Variants in CTNNA2 observed in about 807,000 individuals in gnomAD.
CTNNA2 encodes the protein catenin alpha-2.
In CTNNA2, 42 loss-of-function variants were observed where a neutral mutation model predicts 101.0. That is an observed-to-expected ratio of 0.42 (90% CI 0.32 to 0.54). CTNNA2 has a LOEUF of 0.54. Among genes scored for constraint, CTNNA2 ranks in the 20% least tolerant of loss-of-function variants. The pLI, the probability that CTNNA2 is intolerant of heterozygous loss-of-function variation, is 0.14. For synonymous variants in CTNNA2, 450 were observed against 456.4 expected, an observed-to-expected ratio of 0.99 and a Z score of 0.18; for missense variants, 871 against 1,223.1, an observed-to-expected ratio of 0.71 and a Z score of 4.29.
intron 3 of CTNNA2, among the ~76,000 whole-genome samples, chr2:79,846,930 T>C (rs1241543374): frequency 6.6e-6 from 1 of 152,256 alleles, no homozygotes; most frequent in African/African-American, 2.4e-5. Context: ...TATCTTTTTA[T>C]ATGTACATGT....
intron 2 of CTNNA2, among the ~76,000 whole-genome samples, chr2:79,670,482 A>G (rs1682761386): frequency 6.6e-6 from 1 of 152,194 alleles, no homozygotes; most frequent in African/African-American, 2.4e-5. Context: ...TGGAGTGTGC[A>G]GACCCAGGGC....
intron 18 of CTNNA2, among the ~76,000 whole-genome samples, chr2:80,642,401 T>G (rs1055629092): frequency 6.6e-6 from 1 of 152,200 alleles, no homozygotes; most frequent in Non-Finnish European, 1.5e-5. Flanking sequence ...TCTCATTGTA[T>G]TGTGAGCTCT....
chr2:79,449,572 CA>C, intron 4 of CTNNA2, among the ~76,000 whole-genome samples: 1 of 152,022 alleles, frequency 6.6e-6, no homozygotes, highest in East Asian at 1.9e-4. Flanking sequence ...GAAGTACCAT[CA>C]ATGTTTACTG....
At chr2:80,577,618 C>T (rs774826657) in intron 13 of CTNNA2, among the ~76,000 whole-genome samples, 1 of 148,088 alleles carries the variant, frequency 6.8e-6, no homozygotes, top group Non-Finnish European at 1.5e-5. Context: ...AGTTAGGAAC[C>T]TCCAGAATAA....
At chr2:79,456,280 C>T (rs1670819481) in intron 4 of CTNNA2, among the ~76,000 whole-genome samples, 1 of 151,748 alleles carries the variant, frequency 6.6e-6, no homozygotes, top group Non-Finnish European at 1.5e-5. Context: ...TCATTAAAGA[C>T]TCCTACAATG....
chr2:79,831,988 T>G (rs1678966500), intron 3 of CTNNA2, among the ~76,000 whole-genome samples: 1 of 152,196 alleles, frequency 6.6e-6, no homozygotes, highest in African/African-American at 2.4e-5. Flanking sequence ...GAAACCACAT[T>G]GTAGTTCACT....
intron 10 of CTNNA2, 92 bp from the exon 11 acceptor site, chr2:80,545,815 C>A: frequency 7.7e-7 from 1 of 1,292,828 alleles, no homozygotes; most frequent in Non-Finnish European, 1.1e-6. Flanking sequence ...GTAGAACGTA[C>A]AGGGTGCATG....
intron 7 of CTNNA2, among the ~76,000 whole-genome samples, chr2:80,220,170 A>G (rs1708495437): frequency 6.6e-6 from 1 of 152,196 alleles, no homozygotes; most frequent in Non-Finnish European, 1.5e-5. Flanking sequence ...CACGATTTAA[A>G]TGAATTCCTT....
chr2:80,608,739 A>G (rs979721061), intron 17 of CTNNA2, among the ~76,000 whole-genome samples: 1 of 151,806 alleles, frequency 6.6e-6, no homozygotes, highest in African/African-American at 2.4e-5. Context: ...GATGAAAACA[A>G]TAGGAATTCA....
chr2:80,479,023 A>T (rs60214877), intron 9 of CTNNA2, among the ~76,000 whole-genome samples: 60,323 of 149,190 alleles, frequency 0.4, 14,166 homozygotes, highest in East Asian at 0.67. Context: ...TTTTTTTTTT[A>T]ATTTTTTTGT....
intron 3 of CTNNA2, among the ~76,000 whole-genome samples, chr2:79,778,692 T>C (rs1172916869): frequency 2.6e-5 from 4 of 152,226 alleles, no homozygotes; most frequent in Non-Finnish European, 5.9e-5. Context: ...TGCATCCATG[T>C]TAATATATGG....
At chr2:79,743,360 A>C (rs2104985454) in intron 2 of CTNNA2, among the ~76,000 whole-genome samples, 1 of 152,268 alleles carries the variant, frequency 6.6e-6, no homozygotes, top group Non-Finnish European at 1.5e-5. Context: ...CTCTAGATAT[A>C]GTGTTAAAAG....
chr2:80,646,146 C>T (rs1026563971), intron 18 of CTNNA2, among the ~76,000 whole-genome samples: 8 of 152,150 alleles, frequency 5.3e-5, no homozygotes, highest in Admixed American at 3.3e-4. Context: ...ATGCCAGTCA[C>T]GTCAGATGGA....
At chr2:79,216,589 G>T (rs1674263432) in intron 2 of CTNNA2, among the ~76,000 whole-genome samples, 1 of 151,912 alleles carries the variant, frequency 6.6e-6, no homozygotes, top group Non-Finnish European at 1.5e-5. Context: ...AGGGATCAGG[G>T]GGTTCTTGTC....
chr2:79,873,094 A>G (rs1283851291), intron 5 of CTNNA2, among the ~76,000 whole-genome samples: 1 of 152,206 alleles, frequency 6.6e-6, no homozygotes, highest in East Asian at 1.9e-4. Context: ...AACAACAACA[A>G]AGCAGGAACC....
At chr2:80,568,485 C>CG (rs1434229475) in intron 12 of CTNNA2, among the ~76,000 whole-genome samples, 1 of 151,888 alleles carries the variant, frequency 6.6e-6, no homozygotes, top group Non-Finnish European at 1.5e-5. Flanking sequence ...TGCCTGAAGG[C>CG]GATTCATATG....
chr2:80,333,444 T>C (rs931693232), intron 7 of CTNNA2, among the ~76,000 whole-genome samples: 4 of 152,118 alleles, frequency 2.6e-5, no homozygotes, highest in African/African-American at 9.7e-5. Flanking sequence ...GCAAGATAAA[T>C]GATGGAGATA....
At chr2:79,837,206 G>A (rs1461690679) in intron 3 of CTNNA2, among the ~76,000 whole-genome samples, 1 of 152,152 alleles carries the variant, frequency 6.6e-6, no homozygotes, top group Non-Finnish European at 1.5e-5. Flanking sequence ...AGAGGACCAA[G>A]GAGAGTCAGT....
intron 9 of CTNNA2, among the ~76,000 whole-genome samples, chr2:80,469,384 T>G (rs1450658798): frequency 6.6e-6 from 1 of 152,234 alleles, no homozygotes; most frequent in African/African-American, 2.4e-5. Context: ...GGTTGGAGGC[T>G]GCTGAATATC....
Sources: allele counts gnomAD v4.1 joint callset (sites outside exome capture counted in the v4.1 genomes callset), GRCh38; gene constraint gnomAD v4.1.1; transcripts MANE v1.5; gene names NCBI Gene and HGNC (gene_info 2026-07-23, HGNC 2026-07-21).